The following PAX2 variants were observed in gnomAD, a reference collection of about 807,000 sequenced individuals.
The protein encoded by PAX2 is paired box protein Pax-2.
In PAX2, 9 loss-of-function variants were observed where a neutral mutation model predicts 41.7. The observed-to-expected ratio is 0.22, with a 90% CI of 0.13 to 0.38. PAX2 has a LOEUF of 0.38. Ranked by LOEUF, PAX2 falls within the 10% of genes least tolerant of loss-of-function variation. The pLI, the probability that PAX2 is intolerant of heterozygous loss-of-function variation, is 1.00. For missense variants in PAX2, 418 were observed against 531.6 expected (o/e 0.79, Z 2.10); for synonymous variants, 221 against 212.7 (o/e 1.04, Z -0.34).
chr10:100,760,928 C>G (rs1419272750), intron 3 of PAX2, among the ~76,000 whole-genome samples: 1 of 152,184 alleles, frequency 6.6e-6, no homozygotes, highest in Non-Finnish European at 1.5e-5. Flanking sequence ...GGCAGGCAGC[C>G]TGCCGACTGT....
At chr10:100,784,264 G>A (rs576637337) in intron 5 of PAX2, among the ~76,000 whole-genome samples, 11 of 152,346 alleles carry the variant, frequency 7.2e-5, no homozygotes, top group African/African-American at 1.4e-4. Context: ...AGGCAGCCTC[G>A]GGCATGGGCT....
chr10:100,779,569 C>A lies in PAX2; in HGVS notation c.482C>A (p.Pro161His). 1 of 1,588,500 alleles carries A rather than the reference C, an allele frequency of 6.3e-7. No individual in the cohort carries two copies. The highest frequency in any genetic ancestry group is 1.3e-5 in the African/African-American group (1 of 74,830). ...GGGGCTGGGACAGGAGTGACCGCCC[C>A]TGGCCACACCATTGGTAAGAGGGCT... ...PDGAGTGVTA[P>H]GHTIVPSTAS... Residue 161 changes from proline to histidine, a missense_variant, in exon 4 of 10, where the codon CCT becomes CAT. Physicochemically the swap from Pro to His is moderately conservative, Grantham distance 77. Around this residue, in one of 2 missense-constraint regions of PAX2, gnomAD observed 310 missense variants for 325.2 expected, o/e 0.95. Coordinates refer to ENST00000355243, the MANE Select transcript of PAX2 (RefSeq NM_000278.5).
intron 5 of PAX2, among the ~76,000 whole-genome samples, chr10:100,805,752 G>C (rs2863048): frequency 6.6e-6 from 1 of 152,186 alleles, no homozygotes. Flanking sequence ...CCAGGGCATA[G>C]AGGCATCCAC....
At chr10:100,753,136 A>G (rs575268160) in intron 3 of PAX2, among the ~76,000 whole-genome samples, 1 of 152,338 alleles carries the variant, frequency 6.6e-6, no homozygotes, top group East Asian at 1.9e-4. Context: ...AGGAACAGGT[A>G]AGCCACCAAC....
At chr10:100,794,672 A>G (rs1159051060) in intron 5 of PAX2, among the ~76,000 whole-genome samples, 3 of 152,248 alleles carry the variant, frequency 2.0e-5, no homozygotes, top group Non-Finnish European at 4.4e-5. Flanking sequence ...TGCCAGGCAC[A>G]GTAGAGCCTT....
Position 100,745,912 on chromosome 10 carries a change from C to G in PAX2, c.-349C>G, listed in dbSNP as rs964852269. The G allele has an allele frequency of 1.4e-5, 17 of 1,200,200 alleles. No individual in the cohort carries two copies. Among genetic ancestry groups the G allele is most frequent in the Non-Finnish European group, 1.7e-5 (16 of 965,530 alleles). The allele number at this position is 1,200,200 out of a possible 1,614,324, so 74.3% of individuals were successfully genotyped here. A position where few individuals can be genotyped will look rare whatever the true frequency, so the allele number is the denominator to read the frequency against. On this transcript the variant is annotated 5_prime_UTR_variant, in exon 1 of 10. Coordinates refer to ENST00000355243, the MANE Select transcript of PAX2 (RefSeq NM_000278.5). ...CAGGTTCCAGGGGAGCTGAGCGAGT[C>G]GCCTCCCCCGCCCAGCTTCAGCCCT... is the stretch of plus-strand genomic sequence containing the variant.
chr10:100,754,792 G>T (rs1371925949), intron 3 of PAX2, among the ~76,000 whole-genome samples: 2 of 152,198 alleles, frequency 1.3e-5, no homozygotes, highest in Non-Finnish European at 2.9e-5. Context: ...CCAGAACATT[G>T]CCTATTCTAC....
chr10:100,739,797 C>G (rs954894793), intron 1 of PAX2, among the ~76,000 whole-genome samples: 3 of 152,204 alleles, frequency 2.0e-5, no homozygotes, highest in Non-Finnish European at 2.9e-5. Context: ...GACCACAGCC[C>G]GATGAGGCCG....
At chr10:100,820,433 C>A (rs114983793) in intron 7 of PAX2, among the ~76,000 whole-genome samples, 1,693 of 152,310 alleles carry the variant, frequency 0.011, 37 homozygotes, top group African/African-American at 0.039. Context: ...AACTTTGTAA[C>A]CTTGGCCAGG....
chr10:100,748,144 C>A lies in PAX2; in HGVS notation c.44-1602C>A. 1 of 985,190 alleles carries A rather than the reference C, an allele frequency of 1.0e-6. No individual in the cohort carries two copies. Among genetic ancestry groups the A allele is most frequent in the East Asian group, 1.1e-4 (1 of 8,714 alleles). The allele number at this position is 985,190 out of a possible 1,614,324, so 61.0% of individuals were successfully genotyped here. A position where few individuals can be genotyped will look rare whatever the true frequency, so the allele number is the denominator to read the frequency against. The stretch of plus-strand genomic sequence containing the variant: ...CGCCGTGTCCCCTTCCCATCCCCAC[C>A]CCTTAGACTGGGGCTGAGGGGCCGG... On this transcript the variant is annotated intron_variant, in intron 1 of 9. Transcript: ENST00000355243. The surrounding 1 kb of genome is among the most constrained non-coding windows in gnomAD (Gnocchi z 5.0).
At chr10:100,787,088 A>G in intron 5 of PAX2, 1 of 784,866 alleles carries the variant, frequency 1.3e-6, no homozygotes, top group South Asian at 1.4e-5. Flanking sequence ...ACATTCAGAG[A>G]GTGGGTTCCT....
At chr10:100,764,902 C>T (rs1354934890) in intron 3 of PAX2, among the ~76,000 whole-genome samples, 2 of 151,622 alleles carry the variant, frequency 1.3e-5, no homozygotes. Flanking sequence ...TCTTAAATGT[C>T]ATACAGGGGA....
At chr10:100,803,303 C>T (rs574976709) in intron 5 of PAX2, among the ~76,000 whole-genome samples, 4 of 152,192 alleles carry the variant, frequency 2.6e-5, no homozygotes, top group East Asian at 1.9e-4. Context: ...TGCCCTTCCA[C>T]GCCTCTGGGC....
intron 3 of PAX2, among the ~76,000 whole-genome samples, chr10:100,762,969 G>A (rs1306507303): frequency 2.6e-5 from 4 of 152,182 alleles, no homozygotes; most frequent in East Asian, 3.8e-4. Flanking sequence ...CAGTTCGGTA[G>A]GCAGTCGAGG....
chr10:100,786,873 C>T, intron 5 of PAX2: 1 of 936,460 alleles, frequency 1.1e-6, no homozygotes, highest in South Asian at 1.3e-5. Context: ...TCTTGGGATC[C>T]TGCCCCCAAT....
rs547057659 is a variant in PAX2, at chr10:100,790,259, G to A, written c.616+8894G>A. ...ATACAGAATTGCCCTAGAGGAGACT[G>A]TATGTGTCCATCCACCGCTGGAAAT... On this transcript the variant is annotated intron_variant, in intron 5 of 9. Coordinates refer to ENST00000355243, the MANE Select transcript of PAX2 (RefSeq NM_000278.5). Among the ~76,000 whole-genome samples, 32 of 152,322 alleles carry A rather than the reference G, an allele frequency of 2.1e-4. No individual in the cohort carries two copies. The South Asian group carries it at 2.9e-3, about 14-fold the overall frequency.
At chr10:100,747,512 A>G (rs1366369522) in intron 1 of PAX2, 1 of 549,580 alleles carries the variant, frequency 1.8e-6, no homozygotes. Context: ...TTCTAAATAG[A>G]AAACTCCTCC....
At chr10:100,771,635 A>G (rs1240909166) in intron 3 of PAX2, among the ~76,000 whole-genome samples, 1 of 152,136 alleles carries the variant, frequency 6.6e-6, no homozygotes, top group Non-Finnish European at 1.5e-5. Context: ...TGGGTGATCT[A>G]TGACATCTCA....
intron 5 of PAX2, among the ~76,000 whole-genome samples, chr10:100,804,797 A>G (rs1847700802): frequency 1.3e-5 from 2 of 152,222 alleles, no homozygotes; most frequent in Admixed American, 6.5e-5. Flanking sequence ...TTCAACTCAT[A>G]TGTTGATGCA....
Sources: allele counts gnomAD v4.1 joint callset (sites outside exome capture counted in the v4.1 genomes callset), GRCh38; gene constraint gnomAD v4.1.1; regional missense constraint gnomAD v4.1.1; non-coding constraint Gnocchi (gnomAD v3.1); transcripts MANE v1.5; gene names NCBI Gene and HGNC (gene_info 2026-07-23, HGNC 2026-07-21).